The following ANKS1B variants were observed in gnomAD, a reference collection of about 807,000 sequenced individuals.
The protein encoded by ANKS1B is ankyrin repeat and sterile alpha motif domain-containing protein 1B.
A neutral mutation model predicts 148.3 loss-of-function variants in ANKS1B; 36 were observed. The ratio of observed to expected loss-of-function variants is 0.24; its 90% CI spans 0.19 to 0.32. The LOEUF (loss-of-function observed/expected upper bound fraction) is 0.32, where lower values mean the gene tolerates loss of function less well. ANKS1B is among the 10% of genes least tolerant of loss of function. The probability of loss-of-function intolerance (pLI) is 1.00; values close to 1 mark genes in which losing one functional copy is unlikely to be tolerated. For missense variants in ANKS1B, 1,157 were observed against 1,542.6 expected, an observed-to-expected ratio of 0.75 and a Z score of 4.19; for synonymous variants, 542 against 560.8, an observed-to-expected ratio of 0.97 and a Z score of 0.47.
intron 1 of ANKS1B, among the ~76,000 whole-genome samples, chr12:99,932,711 T>C (rs2094653303): frequency 6.6e-6 from 1 of 152,206 alleles, no homozygotes; most frequent in South Asian, 2.1e-4. Flanking sequence ...AAATATTTTC[T>C]CTCATTCTGT....
chr12:99,502,317 C>T (rs944976724), intron 10 of ANKS1B, among the ~76,000 whole-genome samples: 4 of 152,098 alleles, frequency 2.6e-5, no homozygotes, highest in African/African-American at 4.8e-5. Flanking sequence ...ACTTCCATAG[C>T]CTGGGGTCAG....
chr12:99,327,325 T>TTATAATTACA lies in ANKS1B; in HGVS notation c.1756+72305_1756+72306insTGTAATTATA, dbSNP rs1566900986. Among the ~76,000 whole-genome samples, 849 of 117,938 alleles carry TTATAATTACA rather than the reference T, an allele frequency of 7.2e-3. 23 individuals carry two copies. Among genetic ancestry groups the TTATAATTACA allele is most frequent in the African/African-American group, 0.031 (809 of 26,386 alleles). The allele number at this position is 117,938 out of a possible 152,430, so 77.4% of individuals were successfully genotyped here. A position where few individuals can be genotyped will look rare whatever the true frequency, so the allele number is the denominator to read the frequency against. ...TGTAATTATATATTATAATTACATA[T>TTATAATTACA]TATATATAATTATATATTATAATTA... On this transcript the variant is annotated intron_variant, in intron 12 of 26. Transcript: ENST00000683438.
At chr12:99,301,322 T>C (rs2081572431) in intron 12 of ANKS1B, among the ~76,000 whole-genome samples, 1 of 152,160 alleles carries the variant, frequency 6.6e-6, no homozygotes, top group African/African-American at 2.4e-5. Flanking sequence ...CTGGGATCTC[T>C]TGGCCCTGTC....
chr12:98,756,455 T>C (rs900908368), intron 25 of ANKS1B, among the ~76,000 whole-genome samples: 1 of 151,614 alleles, frequency 6.6e-6, no homozygotes, highest in Non-Finnish European at 1.5e-5. Context: ...ATTAGCAGTA[T>C]TAGAACAGAC....
intron 8 of ANKS1B, among the ~76,000 whole-genome samples, chr12:99,745,296 C>T (rs939589623): frequency 2.0e-5 from 3 of 152,028 alleles, no homozygotes; most frequent in African/African-American, 7.2e-5. Context: ...ATTGATGTTG[C>T]AACATAACAA....
intron 1 of ANKS1B, among the ~76,000 whole-genome samples, chr12:99,875,379 T>C (rs2091954475): frequency 6.6e-6 from 1 of 152,068 alleles, no homozygotes; most frequent in Non-Finnish European, 1.5e-5. Flanking sequence ...CATTAAAATG[T>C]ATAGAGTGCT....
intron 17 of ANKS1B, among the ~76,000 whole-genome samples, chr12:98,993,857 C>T (rs1371583565): frequency 6.6e-6 from 1 of 152,168 alleles, no homozygotes; most frequent in Non-Finnish European, 1.5e-5. Context: ...AATTTACTAA[C>T]TGTATACAAA....
chr12:99,608,983 G>T (rs914772539), intron 9 of ANKS1B, among the ~76,000 whole-genome samples: 18 of 151,962 alleles, frequency 1.2e-4, no homozygotes, highest in Non-Finnish European at 2.2e-4. Context: ...GAGTCAATCT[G>T]GGGAGATCTT....
Position 99,352,100 on chromosome 12 carries a change from T to A in ANKS1B, c.1756+47531A>T, listed in dbSNP as rs374180628. On this transcript the variant is annotated intron_variant, in intron 12 of 26. Transcript: ENST00000683438. ...TTAGTGACTTGGAAAAAGTAGATAC[T>A]GAATATGAAAAGTACAATTTCTTCT... is the stretch of plus-strand genomic sequence containing the variant. The A allele has an allele frequency of 2.6e-5, 4 of 152,086 alleles. No homozygotes were observed. The East Asian group carries it at 7.8e-4, about 29-fold the overall frequency. 9.4% of individuals were successfully genotyped at this position (152,086 alleles called of 1,614,324 possible).
intron 12 of ANKS1B, among the ~76,000 whole-genome samples, chr12:99,327,681 A>C (rs2086747293): frequency 6.7e-6 from 1 of 149,688 alleles, no homozygotes; most frequent in Admixed American, 6.8e-5. Flanking sequence ...TTTCAAGCAA[A>C]ATAAAAGTCG....
rs2153688155 is a variant in ANKS1B at position 98,829,437 on chromosome 12, AC to A, written c.2887-85del. ...AAATTGTGAAATACTGACAAGACAAACTGTGGGGGTGGGGAGTCGCTTTTGA... is the reference window on the plus strand; with the variant it reads ...AAATTGTGAAATACTGACAAGACAAATGTGGGGGTGGGGAGTCGCTTTTGA... On this transcript the variant is annotated intron_variant, in intron 18 of 26. Coordinates refer to ENST00000683438, the MANE Select transcript of ANKS1B (RefSeq NM_001352186.2). The surrounding 1 kb of genome is among the most constrained non-coding windows in gnomAD (Gnocchi z 5.2). 1.4e-6 allele frequency: 2 copies of A among 1,395,168 alleles called. No individual in the cohort carries two copies. Among genetic ancestry groups the A allele is most frequent in the East Asian group, 4.8e-5 (2 of 41,578 alleles). 86.4% of individuals were successfully genotyped at this position (1,395,168 alleles called of 1,614,324 possible).
chr12:99,655,182 G>A lies in ANKS1B; in HGVS notation c.1157C>T (p.Pro386Leu). 6.2e-7 allele frequency: 1 copy of A among 1,610,304 alleles called. No homozygotes were observed. The highest frequency in any genetic ancestry group is 2.2e-5 in the East Asian group (1 of 44,794). The change falls in exon 9 of 27, where the codon CCA (proline) becomes CTA (leucine). Residue 386 changes from proline to leucine, a missense_variant. Physicochemically the swap from Pro to Leu is moderately conservative, Grantham distance 98. Around this residue, in one of 6 missense-constraint regions of ANKS1B, gnomAD observed 661 missense variants for 642.1 expected, o/e 1.03. Coordinates refer to ENST00000683438, the MANE Select transcript of ANKS1B (RefSeq NM_001352186.2). ...VRTSSTINLS[P>L]GEVEEEDDDE... is the part of the protein sequence containing the mutation. ...ATCATCCTCTTCTTCCACTTCTCCT[G>A]GTGACAAATTGATTGTAGATGAGGT...
intron 17 of ANKS1B, among the ~76,000 whole-genome samples, chr12:98,944,439 T>C (rs2099842047): frequency 6.6e-6 from 1 of 152,076 alleles, no homozygotes; most frequent in Admixed American, 6.6e-5. Context: ...CTGTATAGCT[T>C]TAGAACCATA....
At chr12:99,765,337 T>C (rs2062546342) in intron 8 of ANKS1B, among the ~76,000 whole-genome samples, 1 of 152,208 alleles carries the variant, frequency 6.6e-6, no homozygotes, top group Non-Finnish European at 1.5e-5. Context: ...TATTATAGTT[T>C]GGTCACTGTT....
chr12:99,462,850 T>A (rs1331385697), intron 10 of ANKS1B, among the ~76,000 whole-genome samples: 1 of 152,170 alleles, frequency 6.6e-6, no homozygotes. Context: ...AAAAAGAGTC[T>A]AGGATCTACC....
rs1393069482 is a variant in ANKS1B, at chr12:99,754,637, TAACA to T, written c.1128+18281_1128+18284del. On this transcript the variant is annotated intron_variant, in intron 8 of 26. Transcript: ENST00000683438. ...GCAAATGCAAAAGAACTGAAAATCA[TAACA>T]AACAGTCTCTCAGACCACAGTGCAA... Among the ~76,000 whole-genome samples, 5 of 152,238 alleles carry T rather than the reference TAACA, an allele frequency of 3.3e-5. No homozygotes were observed. The South Asian group carries it at 1.0e-3, about 32-fold the overall frequency.
chr12:99,210,865 A>G (rs2083258614), intron 14 of ANKS1B, among the ~76,000 whole-genome samples: 1 of 152,230 alleles, frequency 6.6e-6, no homozygotes, highest in Admixed American at 6.5e-5. Flanking sequence ...ATTTGTGAGG[A>G]TAATAGCAGT....
chr12:99,414,143 A>T (rs1398206270), intron 11 of ANKS1B, among the ~76,000 whole-genome samples: 1 of 151,552 alleles, frequency 6.6e-6, no homozygotes, highest in African/African-American at 2.4e-5. Flanking sequence ...TTTACCTATT[A>T]GGTTTCTGTT....
At chr12:99,333,720 T>C (rs1372268220) in intron 12 of ANKS1B, among the ~76,000 whole-genome samples, 1 of 152,028 alleles carries the variant, frequency 6.6e-6, no homozygotes, top group Non-Finnish European at 1.5e-5. Flanking sequence ...GGTTATTCTT[T>C]ATTCACTTTC....
Sources: allele counts gnomAD v4.1 joint callset (sites outside exome capture counted in the v4.1 genomes callset), GRCh38; gene constraint gnomAD v4.1.1; regional missense constraint gnomAD v4.1.1; non-coding constraint Gnocchi (gnomAD v3.1); transcripts MANE v1.5; gene names NCBI Gene and HGNC (gene_info 2026-07-23, HGNC 2026-07-21).